The following XKR9 variants were observed in gnomAD, a reference collection of about 807,000 sequenced individuals.
The protein encoded by XKR9 is XK-related protein 9.
XKR9 carries 32 observed loss-of-function variants against 32.0 expected under a neutral mutation model. The ratio of observed to expected loss-of-function variants is 1.00; its 90% CI spans 0.76 to 1.34. The LOEUF is 1.34. Ranked by LOEUF, XKR9 falls within the 40% of genes most tolerant of loss-of-function variation. The pLI is 0.00. For missense variants in XKR9, 546 were observed against 429.7 expected (o/e 1.27, Z -2.39); for synonymous variants, 168 against 143.4 (o/e 1.17, Z -1.22).
At chr8:70,889,959 A>G in the XKR9 span, among the ~76,000 whole-genome samples, 11 of 151,992 alleles carry the variant, frequency 7.2e-5, 1 homozygote, top group Non-Finnish European at 1.5e-4. Context: ...CTGGGGTTGA[A>G]TGGTAGTTCT....
the XKR9 span, among the ~76,000 whole-genome samples, chr8:70,835,150 T>C: frequency 1.3e-5 from 2 of 152,132 alleles, no homozygotes; most frequent in African/African-American, 4.8e-5. Context: ...TTAGTTCTGA[T>C]AGAGTGTCAG....
At chr8:70,882,797 AGAG>A in the XKR9 span, among the ~76,000 whole-genome samples, 1 of 151,982 alleles carries the variant, frequency 6.6e-6, no homozygotes, top group Non-Finnish European at 1.5e-5. Flanking sequence ...AGTTTACATT[AGAG>A]TTCATTTTTG....
intron 2 of XKR9, among the ~76,000 whole-genome samples, chr8:70,788,844 G>A (rs535952013): frequency 6.6e-6 from 1 of 152,184 alleles, no homozygotes; most frequent in East Asian, 1.9e-4. Context: ...TGCGTTGGAA[G>A]GCCTGGATGT....
At chr8:70,846,119 A>G in the XKR9 span, among the ~76,000 whole-genome samples, 1 of 152,168 alleles carries the variant, frequency 6.6e-6, no homozygotes, top group Non-Finnish European at 1.5e-5. Flanking sequence ...CAGAAATCTT[A>G]TAGGCCAAGA....
intron 3 of XKR9, among the ~76,000 whole-genome samples, chr8:70,701,924 C>G (rs1185517568): frequency 6.6e-6 from 1 of 152,070 alleles, no homozygotes; most frequent in Admixed American, 6.5e-5. Context: ...GGAGAGTTTT[C>G]TTTTGATGGA....
At chr8:70,743,549 G>T (rs1431893932) in intron 2 of XKR9, among the ~76,000 whole-genome samples, 1 of 151,842 alleles carries the variant, frequency 6.6e-6, no homozygotes, top group East Asian at 1.9e-4. Context: ...CTTTTCAGCA[G>T]GCAGTAACTT....
the XKR9 span, among the ~76,000 whole-genome samples, chr8:70,891,514 T>A: frequency 1.0e-3 from 158 of 152,112 alleles, 1 homozygote; most frequent in Middle Eastern, 6.8e-3. Context: ...TTCATGAAAT[T>A]TTCAAATATT....
At chr8:70,853,978 C>A in the XKR9 span, among the ~76,000 whole-genome samples, 1 of 152,148 alleles carries the variant, frequency 6.6e-6, no homozygotes, top group Non-Finnish European at 1.5e-5. Flanking sequence ...AATAGTGCCA[C>A]AATAAACACA....
chr8:70,768,806 T>C (rs1327579533), intron 2 of XKR9, among the ~76,000 whole-genome samples: 1 of 152,122 alleles, frequency 6.6e-6, no homozygotes. Context: ...CATCCCTTTA[T>C]TTTGAGCCTA....
At chr8:70,690,600 C>T (rs150627556) in intron 3 of XKR9, among the ~76,000 whole-genome samples, 37 of 151,812 alleles carry the variant, frequency 2.4e-4, no homozygotes, top group African/African-American at 7.2e-4. Flanking sequence ...CAGCCCACCT[C>T]GGCCTCCCAA....
chr8:70,706,335 A>G (rs919464804), intron 3 of XKR9, among the ~76,000 whole-genome samples: 9 of 152,102 alleles, frequency 5.9e-5, no homozygotes, highest in Admixed American at 2.0e-4. Flanking sequence ...GAAGTTTTAT[A>G]TATTTTCTGG....
chr8:70,931,808 A>G, the XKR9 span, among the ~76,000 whole-genome samples: 1 of 152,180 alleles, frequency 6.6e-6, no homozygotes, highest in Non-Finnish European at 1.5e-5. Context: ...CCAGATCTTG[A>G]GTGAACTAAC....
chr8:70,904,444 CT>C, the XKR9 span, among the ~76,000 whole-genome samples: 1 of 151,786 alleles, frequency 6.6e-6, no homozygotes, highest in Non-Finnish European at 1.5e-5. Flanking sequence ...ACAAACCCTG[CT>C]TTTTTTTGCT....
At chr8:70,844,460 G>A in the XKR9 span, among the ~76,000 whole-genome samples, 1 of 152,150 alleles carries the variant, frequency 6.6e-6, no homozygotes, top group South Asian at 2.1e-4. Flanking sequence ...CAGGGCCACA[G>A]CACGCTTGTA....
chr8:70,865,679 G>C, the XKR9 span, among the ~76,000 whole-genome samples: 63 of 152,292 alleles, frequency 4.1e-4, no homozygotes, highest in African/African-American at 1.5e-3. Context: ...ACTAATGCCA[G>C]ATCTGCAATG....
At chr8:70,774,118 A>G (rs1471332078) in intron 2 of XKR9, among the ~76,000 whole-genome samples, 1 of 152,142 alleles carries the variant, frequency 6.6e-6, no homozygotes, top group African/African-American at 2.4e-5. Flanking sequence ...CACCCATGCT[A>G]CATGTCCAGA....
the XKR9 span, among the ~76,000 whole-genome samples, chr8:70,884,192 T>C: frequency 4.6e-5 from 7 of 152,194 alleles, no homozygotes; most frequent in African/African-American, 1.7e-4. Context: ...TTTGGTGATG[T>C]GTTTTTTCAG....
chr8:70,734,527 A>T lies in XKR9; in HGVS notation c.*103A>T. 7.4e-7 allele frequency: 1 copy of T among 1,358,724 alleles called. No individual in the cohort carries two copies. The highest frequency in any genetic ancestry group is 9.4e-7 in the Non-Finnish European group (1 of 1,058,356). The allele number at this position is 1,358,724 out of a possible 1,614,324, so 84.2% of individuals were successfully genotyped here. On this transcript the variant is annotated 3_prime_UTR_variant, in exon 5 of 5. Coordinates refer to ENST00000408926, the MANE Select transcript of XKR9 (RefSeq NM_001011720.2). ...TTGTCTCTTATTTTTGCCACCTTTAATTTGAAATTAGTTCAGTGAAATAGG... is the reference window on the plus strand; with the variant it reads ...TTGTCTCTTATTTTTGCCACCTTTATTTTGAAATTAGTTCAGTGAAATAGG...
At chr8:70,847,757 C>T in the XKR9 span, among the ~76,000 whole-genome samples, 1 of 151,802 alleles carries the variant, frequency 6.6e-6, no homozygotes, top group African/African-American at 2.4e-5. Flanking sequence ...TTCAACCTAC[C>T]AAGATCAAAC....
Sources: gnomAD v4.1 joint callset for allele counts (sites outside exome capture counted in the v4.1 genomes callset) on GRCh38, gnomAD v4.1.1 for gene constraint, MANE v1.5 for transcripts, NCBI Gene and HGNC (gene_info 2026-07-23, HGNC 2026-07-21) for gene names.